FRYL: variants seen among roughly 807,000 people sequenced by gnomAD.
The protein encoded by FRYL is protein furry homolog-like.
A neutral mutation model predicts 351.2 loss-of-function variants in FRYL; 150 were observed. The observed-to-expected ratio is 0.43, with a 90% CI of 0.37 to 0.49. FRYL has a LOEUF of 0.49. Among genes scored for constraint, FRYL ranks in the 20% least tolerant of loss-of-function variants. FRYL has a pLI of 0.00. For missense variants in FRYL, 3,036 were observed against 3,619.3 expected, an observed-to-expected ratio of 0.84 and a Z score of 4.13; for synonymous variants, 1,153 against 1,257.1, an observed-to-expected ratio of 0.92 and a Z score of 1.75.
intron 7 of FRYL, among the ~76,000 whole-genome samples, chr4:48,614,721 CAAAAAAA>C (rs1161734085): frequency 1.5e-4 from 7 of 47,124 alleles, no homozygotes; most frequent in Admixed American, 4.3e-4. Context: ...GACTCCATCT[CAAAAAAA>C]AAAAAAAAAA....
intron 43 of FRYL, 117 bp downstream of exon 43, chr4:48,544,664 TAA>T (rs1578038809): frequency 2.7e-6 from 2 of 737,662 alleles, no homozygotes; most frequent in African/African-American, 3.7e-5. Context: ...ATTAATAAAT[TAA>T]AAGTCTAAAA....
intron 3 of FRYL, among the ~76,000 whole-genome samples, chr4:48,655,806 AATT>A (rs1326899286): frequency 6.9e-6 from 1 of 144,784 alleles, no homozygotes; most frequent in African/African-American, 2.5e-5. Context: ...TATAATGTAA[AATT>A]ATATATACAG....
intron 3 of FRYL, among the ~76,000 whole-genome samples, chr4:48,669,536 T>C (rs894762311): frequency 6.6e-6 from 1 of 150,604 alleles, no homozygotes; most frequent in East Asian, 1.9e-4. Flanking sequence ...TAATTTGCAT[T>C]ATAATTTATA....
chr4:48,612,866 G>A (rs1028871485), intron 7 of FRYL, among the ~76,000 whole-genome samples: 1 of 152,078 alleles, frequency 6.6e-6, no homozygotes, highest in African/African-American at 2.4e-5. Context: ...TGGGATTACA[G>A]GCGTGAGCCA....
At chr4:48,589,533 G>T (rs1386522100) in intron 18 of FRYL, among the ~76,000 whole-genome samples, 1 of 151,908 alleles carries the variant, frequency 6.6e-6, no homozygotes, top group Non-Finnish European at 1.5e-5. Context: ...CACCAGACTG[G>T]GATCTAGAGT....
intron 2 of FRYL, among the ~76,000 whole-genome samples, chr4:48,686,692 T>C (rs1472660243): frequency 6.6e-6 from 1 of 152,248 alleles, no homozygotes; most frequent in East Asian, 1.9e-4. Flanking sequence ...TAGGACCAAT[T>C]TGTACCACCA....
chr4:48,769,266 T>G (rs1192131755), intron 1 of FRYL, among the ~76,000 whole-genome samples: 1 of 152,184 alleles, frequency 6.6e-6, no homozygotes, highest in Admixed American at 6.5e-5. Flanking sequence ...GGCAAAGAAC[T>G]TCTATCTAGA....
intron 7 of FRYL, among the ~76,000 whole-genome samples, chr4:48,613,106 C>T (rs946801251): frequency 2.8e-4 from 43 of 152,206 alleles, no homozygotes; most frequent in African/African-American, 7.7e-4. Flanking sequence ...GGGGATAAGA[C>T]CCAAATCTAA....
At chr4:48,510,676 C>G (rs1410889803) in intron 58 of FRYL, among the ~76,000 whole-genome samples, 159 bp downstream of exon 58, 1 of 152,108 alleles carries the variant, frequency 6.6e-6, no homozygotes, top group Non-Finnish European at 1.5e-5. Flanking sequence ...CAAGTTGCTG[C>G]ACCTAATATA....
At chr4:48,619,470 A>C (rs1254743458) in intron 6 of FRYL, 100 bp from the exon 7 acceptor site, 11 of 609,202 alleles carry the variant, frequency 1.8e-5, no homozygotes, top group Admixed American at 1.4e-4. Context: ...CTACTATGTA[A>C]AATGTGCTAC....
Position 48,721,028 on chromosome 4 carries a change from A to T in FRYL, c.-383-10330T>A, listed in dbSNP as rs80232368. ...TTATTAAGTCCAAACAGCTCTAAGG[A>T]GGTAGATGATTATCATTCCCAACTG... is the stretch of plus-strand genomic sequence containing the variant. On this transcript the variant is annotated intron_variant, in intron 1 of 63. Coordinates refer to ENST00000358350, the MANE Select transcript of FRYL (RefSeq NM_015030.2). Among the ~76,000 whole-genome samples the T allele has an allele frequency of 3.8e-4, 58 of 152,318 alleles. No individual in the cohort carries two copies. In the East Asian group the frequency reaches 0.011, roughly 28 times the overall value.
chr4:48,741,028 T>C (rs1471828016), intron 1 of FRYL, among the ~76,000 whole-genome samples: 1 of 150,808 alleles, frequency 6.6e-6, no homozygotes, highest in Admixed American at 6.6e-5. Context: ...TGAATAGATT[T>C]GATGAAAAAA....
chr4:48,711,020 T>A (rs1217096252), intron 1 of FRYL, among the ~76,000 whole-genome samples: 1 of 152,122 alleles, frequency 6.6e-6, no homozygotes, highest in Admixed American at 6.5e-5. Flanking sequence ...TGAAAAGGAA[T>A]AAAGTACTGA....
intron 2 of FRYL, among the ~76,000 whole-genome samples, chr4:48,686,608 C>T (rs901565306): frequency 6.6e-6 from 1 of 152,170 alleles, no homozygotes; most frequent in African/African-American, 2.4e-5. Flanking sequence ...TTCATTTCAT[C>T]TTCTGGGACA....
At position 48,500,191 on chromosome 4, in the gene FRYL, T is replaced by C. The variant is rs759034087; in HGVS notation, c.8622A>G (p.Gln2874=). ...EVINMSEELA[Q]LESILKEAES... ...CAGCTTCTTTGAGGATACTTTCCAGTTGGGCAAGTTCCTCTGACATGTTGA... is the reference window on the plus strand; with the variant it reads ...CAGCTTCTTTGAGGATACTTTCCAGCTGGGCAAGTTCCTCTGACATGTTGA... The change falls in exon 63 of 64, where the codon CAA becomes CAG. Residue 2874 remains glutamine (Q), a synonymous_variant. Transcript: ENST00000358350. The C allele has an allele frequency of 1.3e-6, 2 of 1,591,868 alleles. No individual in the cohort carries two copies. Among genetic ancestry groups the C allele is most frequent in the South Asian group, 1.2e-5 (1 of 85,788 alleles).
intron 3 of FRYL, among the ~76,000 whole-genome samples, chr4:48,664,923 T>G (rs1338173440): frequency 2.0e-5 from 3 of 152,174 alleles, no homozygotes; most frequent in Non-Finnish European, 2.9e-5. Flanking sequence ...AGGTTTCAGG[T>G]CATGTCCAAA....
chr4:48,747,972 G>A (rs1457892562), intron 1 of FRYL, among the ~76,000 whole-genome samples: 3 of 152,336 alleles, frequency 2.0e-5, no homozygotes, highest in African/African-American at 4.8e-5. Flanking sequence ...CAGGCCAGGC[G>A]TGGTGGCTCA....
chr4:48,715,482 GACAA>G (rs1461785651), intron 1 of FRYL, among the ~76,000 whole-genome samples: 6 of 151,530 alleles, frequency 4.0e-5, no homozygotes, highest in Admixed American at 6.6e-5. Context: ...ACCAATAACA[GACAA>G]ACAGAGAGCC....
chr4:48,559,002 G>T (rs1400120771), intron 33 of FRYL, among the ~76,000 whole-genome samples: 1 of 151,896 alleles, frequency 6.6e-6, no homozygotes, highest in Non-Finnish European at 1.5e-5. Flanking sequence ...CACAACCCTG[G>T]GTTTGAATCC....
Sources: gnomAD v4.1 joint callset for allele counts (sites outside exome capture counted in the v4.1 genomes callset) on GRCh38, gnomAD v4.1.1 for gene constraint, MANE v1.5 for transcripts, NCBI Gene and HGNC (gene_info 2026-07-23, HGNC 2026-07-21) for gene names.